The following NXN variants were observed in gnomAD, a reference collection of about 807,000 sequenced individuals.
NXN encodes the protein nucleoredoxin.
A neutral mutation model predicts 48.6 loss-of-function variants in NXN; 16 were observed. That is an observed-to-expected ratio of 0.33 (90% CI 0.22 to 0.50). The LOEUF (loss-of-function observed/expected upper bound fraction) is 0.50, where lower values mean the gene tolerates loss of function less well. NXN is among the 20% of genes least tolerant of loss of function. The pLI, the probability that NXN is intolerant of heterozygous loss-of-function variation, is 0.98. For synonymous variants in NXN, 281 were observed against 269.6 expected (o/e 1.04, Z -0.41); for missense variants, 492 against 605.5 (o/e 0.81, Z 1.97).
intron 1 of NXN, among the ~76,000 whole-genome samples, chr17:844,081 G>GT (rs1220487407): frequency 7.1e-6 from 1 of 140,794 alleles, no homozygotes; most frequent in East Asian, 2.2e-4. Flanking sequence ...AGACCAGGCG[G>GT]TGGAGACCAG....
At chr17:967,062 G>A (rs2069314168) in intron 1 of NXN, among the ~76,000 whole-genome samples, 1 of 152,090 alleles carries the variant, frequency 6.6e-6, no homozygotes, top group African/African-American at 2.4e-5. Context: ...GACCGTAGGG[G>A]CCACTCTCCC....
chr17:819,524 C>T lies in NXN; in HGVS notation c.735G>A (p.Gln245=), dbSNP rs1331765237. The T allele has an allele frequency of 1.3e-5, 21 of 1,610,392 alleles. No homozygotes were observed. The highest frequency in any genetic ancestry group is 1.8e-5 in the Non-Finnish European group (21 of 1,177,718). ...CGAGCCAGGGCATCTCACTGAAGTA[C>T]TGTTTGAAGGACTCCTCCGACCTAC... ...SADRSEESFK[Q]YFSEMPWLAV... The change falls in exon 5 of 8, where the codon CAG becomes CAA. Residue 245 remains glutamine, a synonymous_variant. Transcript: ENST00000336868.
In NXN at chr17:958,691, G is replaced by A. The variant is rs1745452234; in HGVS notation, c.360+20628C>T. ...GAGGCTGAGGCAGGAGAATCACCGA[G>A]GCGGAGGTAGAAGTGAGCCCAGATT... On this transcript the variant is annotated intron_variant, in intron 1 of 7. Transcript: ENST00000336868. This position sits in a 1 kb window ranked among gnomAD's most constrained non-coding sequence, Gnocchi z 6.9. Among the ~76,000 whole-genome samples the A allele has an allele frequency of 6.6e-6, 1 of 152,080 alleles. No homozygotes were observed. The highest frequency in any genetic ancestry group is 1.5e-5 in the Non-Finnish European group (1 of 68,034).
At chr17:965,217 T>C (rs2069287695) in intron 1 of NXN, among the ~76,000 whole-genome samples, 1 of 152,180 alleles carries the variant, frequency 6.6e-6, no homozygotes, top group African/African-American at 2.4e-5. Flanking sequence ...TTAAGCTCAC[T>C]TAACCGTCAT....
At chr17:945,447 G>A (rs1234526365) in intron 1 of NXN, among the ~76,000 whole-genome samples, 1 of 150,758 alleles carries the variant, frequency 6.6e-6, no homozygotes, top group Non-Finnish European at 1.5e-5. Flanking sequence ...GGCTAACATG[G>A]TGAAACCCCG....
intron 1 of NXN, chr17:959,086 C>T: frequency 3.2e-6 from 1 of 312,356 alleles, no homozygotes. Flanking sequence ...GGCGGTGTGG[C>T]TGGAGGCGCG....
At chr17:928,694 G>A (rs1276157769) in intron 1 of NXN, among the ~76,000 whole-genome samples, 4 of 152,076 alleles carry the variant, frequency 2.6e-5, no homozygotes, top group East Asian at 1.9e-4. Flanking sequence ...AAATTAGCCG[G>A]GCGTGGTGGT....
chr17:931,676 A>G (rs1053820935), intron 1 of NXN, among the ~76,000 whole-genome samples: 1 of 150,822 alleles, frequency 6.6e-6, no homozygotes, highest in Non-Finnish European at 1.5e-5. Flanking sequence ...CTCTGCTAAA[A>G]ATACAAAAAT....
Position 979,619 on chromosome 17 carries a change from C to T in NXN, c.60G>A (p.Glu20=). 1 of 1,464,284 alleles carries T rather than the reference C, an allele frequency of 6.8e-7. No homozygotes were observed. Among genetic ancestry groups the T allele is most frequent in the Non-Finnish European group, 9.0e-7 (1 of 1,107,492 alleles). The allele number at this position is 1,464,284 out of a possible 1,614,324, so 90.7% of individuals were successfully genotyped here. Residue 20 remains glutamate (E), a synonymous_variant, in exon 1 of 8, where the codon GAG becomes GAA. Transcript: ENST00000336868. ...GGGCGCCCAGCGAGTGCACGTCCAC[C>T]TCCTCGCCGCCGCCCGTCACCAGCT... is the stretch of plus-strand genomic sequence containing the variant. ...GEKLVTGGGE[E]VDVHSLGARG...
intron 1 of NXN, among the ~76,000 whole-genome samples, chr17:861,868 C>T (rs563386563): frequency 1.3e-5 from 2 of 151,136 alleles, no homozygotes; most frequent in Admixed American, 6.6e-5. Context: ...CTTGCTCTGT[C>T]GCCCAGGCTG....
chr17:975,794 C>A lies in NXN; in HGVS notation c.360+3525G>T, dbSNP rs1469322206. Among the ~76,000 whole-genome samples, 4 of 152,192 alleles carry A rather than the reference C, an allele frequency of 2.6e-5. No homozygotes were observed. The East Asian group carries it at 7.7e-4, about 29-fold the overall frequency. ...ATGAGGCTGAAGTGGATCCCGGAGA[C>A]GGACCTCTCCAGTCTTGACGAGTGA... On this transcript the variant is annotated intron_variant, in intron 1 of 7. Coordinates refer to ENST00000336868, the MANE Select transcript of NXN (RefSeq NM_022463.5).
chr17:838,234 C>T (rs577693498), intron 1 of NXN, among the ~76,000 whole-genome samples: 1 of 146,798 alleles, frequency 6.8e-6, no homozygotes, highest in East Asian at 2.0e-4. Context: ...TGGGTTCAAG[C>T]AATTCTTCTG....
At chr17:887,113 C>T (rs1160552805) in intron 1 of NXN, among the ~76,000 whole-genome samples, 3 of 151,662 alleles carry the variant, frequency 2.0e-5, no homozygotes, top group Admixed American at 2.0e-4. Context: ...ATGGGGGTCT[C>T]ACCATGTTGC....
At chr17:822,929 A>C (rs1567818055) in intron 3 of NXN, among the ~76,000 whole-genome samples, 1 of 151,538 alleles carries the variant, frequency 6.6e-6, no homozygotes, top group Non-Finnish European at 1.5e-5. Context: ...GAGAAACCCC[A>C]TCTCTACTAA....
At chr17:925,861 A>C (rs1223442553) in intron 1 of NXN, among the ~76,000 whole-genome samples, 2 of 152,240 alleles carry the variant, frequency 1.3e-5, no homozygotes, top group African/African-American at 4.8e-5. Flanking sequence ...GCTTGCTCCC[A>C]GCACAGCAAA....
chr17:854,906 C>A (rs918756659), intron 1 of NXN, among the ~76,000 whole-genome samples: 23 of 151,850 alleles, frequency 1.5e-4, no homozygotes, highest in Non-Finnish European at 1.5e-5. Context: ...TTGCAGTGAG[C>A]CAAGATCACA....
Position 846,875 on chromosome 17 carries a change from GA to G in NXN, c.361-20798del, listed in dbSNP as rs201897223. On this transcript the variant is annotated intron_variant, in intron 1 of 7. Coordinates refer to ENST00000336868, the MANE Select transcript of NXN (RefSeq NM_022463.5). The stretch of plus-strand genomic sequence containing the variant: ...AAAAAGGAGAAAAATGGTGGGGGTG[GA>G]GGGGTACAATGAATTAAAGAATAAA... Among the ~76,000 whole-genome samples the G allele has an allele frequency of 7.8e-4, 118 of 150,502 alleles. 1 individual carries two copies. The South Asian group carries it at 0.013, about 16-fold the overall frequency.
intron 1 of NXN, among the ~76,000 whole-genome samples, chr17:845,338 A>G (rs1208126547): frequency 6.6e-6 from 1 of 151,916 alleles, no homozygotes; most frequent in Admixed American, 6.6e-5. Context: ...GGGACTCAAC[A>G]TCCAAGAGAG....
intron 1 of NXN, among the ~76,000 whole-genome samples, chr17:912,212 A>G (rs1356231343): frequency 2.0e-5 from 3 of 152,158 alleles, no homozygotes; most frequent in Non-Finnish European, 4.4e-5. Context: ...TGCTGGGCTT[A>G]TAAGCGTGAG....
Sources: allele counts gnomAD v4.1 joint callset (sites outside exome capture counted in the v4.1 genomes callset), GRCh38; gene constraint gnomAD v4.1.1; non-coding constraint Gnocchi (gnomAD v3.1); transcripts MANE v1.5; gene names NCBI Gene and HGNC (gene_info 2026-07-23, HGNC 2026-07-21).